Variants in LNP1 observed in about 807,000 individuals in gnomAD.
LNP1 encodes the protein leukemia NUP98 fusion partner 1.
In LNP1, 12 loss-of-function variants were observed where a neutral mutation model predicts 14.5. The ratio of observed to expected loss-of-function variants is 0.83; its 90% CI spans 0.53 to 1.34. The LOEUF (loss-of-function observed/expected upper bound fraction) is 1.34. LNP1 is among the 40% of genes most tolerant of loss of function. The pLI, the probability that LNP1 is intolerant of heterozygous loss-of-function variation, is 0.00. For missense variants in LNP1, 198 were observed against 210.9 expected, an observed-to-expected ratio of 0.94 and a Z score of 0.38; for synonymous variants, 75 against 71.4, an observed-to-expected ratio of 1.05 and a Z score of -0.26.
At chr3:100,422,803 CTTTTTTTTTTT>C (rs557593118) in intron 1 of LNP1, among the ~76,000 whole-genome samples, 22 of 69,082 alleles carry the variant, frequency 3.2e-4, no homozygotes, top group Middle Eastern at 0.011. Flanking sequence ...TTTGTCTCCT[CTTTTTTTTTTT>C]TTTTTTTTTT....
intron 2 of LNP1, among the ~76,000 whole-genome samples, chr3:100,443,359 C>CAA (rs1221315121): frequency 6.6e-6 from 1 of 152,134 alleles, no homozygotes; most frequent in African/African-American, 2.4e-5. Flanking sequence ...CCATTTTTAC[C>CAA]AAAGACAAAT....
intron 1 of LNP1, among the ~76,000 whole-genome samples, chr3:100,413,367 C>T (rs1009013748): frequency 2.0e-5 from 3 of 152,190 alleles, no homozygotes; most frequent in Non-Finnish European, 2.9e-5. Flanking sequence ...GGGAATGTCA[C>T]TTTATGATTC....
chr3:100,433,316 G>A (rs1707259582), intron 2 of LNP1, among the ~76,000 whole-genome samples: 1 of 152,168 alleles, frequency 6.6e-6, no homozygotes, highest in African/African-American at 2.4e-5. Flanking sequence ...AGAACATGTG[G>A]TGTTTGGTTT....
intron 1 of LNP1, among the ~76,000 whole-genome samples, chr3:100,409,260 G>C (rs899732615): frequency 6.6e-6 from 1 of 152,120 alleles, no homozygotes; most frequent in Non-Finnish European, 1.5e-5. Context: ...CTTAGGTGTA[G>C]AGCCTAGTGA....
Position 100,444,473 on chromosome 3 carries a change from A to ATAAT in LNP1, c.157-7244_157-7241dup, listed in dbSNP as rs577853091. Among the ~76,000 whole-genome samples the ATAAT allele has an allele frequency of 1.4e-4, 21 of 152,346 alleles. 1 individual carries two copies. The East Asian group carries it at 3.5e-3, about 25-fold the overall frequency. On this transcript the variant is annotated intron_variant, in intron 2 of 3. Coordinates refer to ENST00000383693, the MANE Select transcript of LNP1 (RefSeq NM_001085451.2). ...TTTTATATTTGATAATGCTTCCTGT[A>ATAAT]TAATTGTAATACCAACTAAGCCAAT... is the stretch of plus-strand genomic sequence containing the variant.
intron 3 of LNP1, 64 bp from the exon 4 acceptor site, chr3:100,455,713 G>C (rs1707503676): frequency 2.0e-6 from 3 of 1,490,518 alleles, no homozygotes; most frequent in Non-Finnish European, 1.9e-6. Flanking sequence ...TGATTATTAA[G>C]AGAAATGTGG....
In LNP1 at chr3:100,409,625, C is replaced by T. The variant is rs1207843974; in HGVS notation, c.-34+7186C>T. Among the ~76,000 whole-genome samples the T allele has an allele frequency of 3.8e-4, 51 of 134,922 alleles. 2 individuals carry two copies. The highest frequency in any genetic ancestry group is 1.3e-3 in the African/African-American group (47 of 36,120). The allele number at this position is 134,922 out of a possible 152,430, so 88.5% of individuals were successfully genotyped here. Reference sequence around the variant, plus strand: ...ATATATATTTTTTTTTTTTTTGAGTCTCACTCTTATAGCCCAGGCCAGAGT... The same window carrying T: ...ATATATATTTTTTTTTTTTTTGAGTTTCACTCTTATAGCCCAGGCCAGAGT... On this transcript the variant is annotated intron_variant, in intron 1 of 3. Transcript: ENST00000383693.
chr3:100,440,257 A>T (rs77575371), intron 2 of LNP1, among the ~76,000 whole-genome samples: 3,561 of 152,274 alleles, frequency 0.023, 139 homozygotes, highest in African/African-American at 0.082. Flanking sequence ...GTGCAGTAAC[A>T]TTCAGAGCTG....
At chr3:100,448,371 T>G (rs1707408103) in intron 2 of LNP1, among the ~76,000 whole-genome samples, 1 of 152,172 alleles carries the variant, frequency 6.6e-6, no homozygotes, top group African/African-American at 2.4e-5. Flanking sequence ...AGATTAGAAG[T>G]TATGCTAATC....
intron 3 of LNP1, among the ~76,000 whole-genome samples, chr3:100,453,566 G>T (rs1707480843): frequency 6.7e-6 from 1 of 148,720 alleles, no homozygotes; most frequent in African/African-American, 2.5e-5. Flanking sequence ...TCCAGCCTGG[G>T]CAACAGAGCA....
intron 1 of LNP1, among the ~76,000 whole-genome samples, chr3:100,414,491 G>A (rs1384320427): frequency 6.6e-6 from 1 of 151,712 alleles, no homozygotes; most frequent in Non-Finnish European, 1.5e-5. Flanking sequence ...AGGTTGCAGT[G>A]AGCCGAGATC....
intron 1 of LNP1, among the ~76,000 whole-genome samples, chr3:100,422,803 C>CTTTTT (rs557593118): frequency 5.8e-5 from 4 of 69,052 alleles, no homozygotes; most frequent in Non-Finnish European, 1.1e-4. Context: ...TTTGTCTCCT[C>CTTTTT]TTTTTTTTTT....
At chr3:100,440,581 A>G (rs1015854866) in intron 2 of LNP1, among the ~76,000 whole-genome samples, 3 of 152,186 alleles carry the variant, frequency 2.0e-5, no homozygotes, top group African/African-American at 2.4e-5. Flanking sequence ...TTTATTTTAC[A>G]TAATCTTTGA....
chr3:100,405,139 C>T (rs1706953520), intron 1 of LNP1, among the ~76,000 whole-genome samples: 1 of 152,134 alleles, frequency 6.6e-6, no homozygotes, highest in African/African-American at 2.4e-5. Flanking sequence ...TTAGCAGTTA[C>T]TCATATTTGA....
At chr3:100,403,433 GAT>G (rs1375308612) in intron 1 of LNP1, among the ~76,000 whole-genome samples, 1 of 151,736 alleles carries the variant, frequency 6.6e-6, no homozygotes, top group Non-Finnish European at 1.5e-5. Flanking sequence ...AGTTAAATGA[GAT>G]AGTCTAATGG....
At chr3:100,448,866 T>G (rs1473010166) in intron 2 of LNP1, among the ~76,000 whole-genome samples, 1 of 151,838 alleles carries the variant, frequency 6.6e-6, no homozygotes, top group African/African-American at 2.4e-5. Context: ...CATAAAACCG[T>G]TTTTTTTCCT....
At chr3:100,413,204 G>T (rs1179627373) in intron 1 of LNP1, among the ~76,000 whole-genome samples, 1 of 152,116 alleles carries the variant, frequency 6.6e-6, no homozygotes, top group Non-Finnish European at 1.5e-5. Flanking sequence ...GACCTGATTG[G>T]TTTATACTTT....
At chr3:100,447,130 C>T (rs185980967) in intron 2 of LNP1, among the ~76,000 whole-genome samples, 1 of 152,286 alleles carries the variant, frequency 6.6e-6, no homozygotes, top group East Asian at 1.9e-4. Context: ...AATCCTGCTA[C>T]TATAAAGACA....
At chr3:100,409,557 T>TACATAC (rs1707007053) in intron 1 of LNP1, among the ~76,000 whole-genome samples, 1 of 126,354 alleles carries the variant, frequency 7.9e-6, no homozygotes, top group African/African-American at 3.0e-5. Context: ...TATATATACA[T>TACATAC]ACACACACAC....
Sources: gnomAD v4.1 joint callset for allele counts (sites outside exome capture counted in the v4.1 genomes callset) on GRCh38, gnomAD v4.1.1 for gene constraint, MANE v1.5 for transcripts, NCBI Gene and HGNC (gene_info 2026-07-23, HGNC 2026-07-21) for gene names.